RAPGEFL1: variants seen among roughly 807,000 people sequenced by gnomAD.
RAPGEFL1 encodes Rap guanine nucleotide exchange factor like 1.
In RAPGEFL1, 31 loss-of-function variants were observed where a neutral mutation model predicts 64.4. That is an observed-to-expected ratio of 0.48 (90% CI 0.36 to 0.65). The LOEUF (loss-of-function observed/expected upper bound fraction) is 0.65. Among genes scored for constraint, RAPGEFL1 ranks in the 30% least tolerant of loss-of-function variants. The pLI is 0.00. For missense variants in RAPGEFL1, 682 were observed against 677.4 expected, an observed-to-expected ratio of 1.01 and a Z score of -0.08; for synonymous variants, 331 against 274.1, an observed-to-expected ratio of 1.21 and a Z score of -2.05.
upstream of RAPGEFL1, chr17:40,177,324 T>G: frequency 1.4e-6 from 1 of 702,476 alleles, no homozygotes; most frequent in East Asian, 2.7e-5. Flanking sequence ...TTTCTTCTGC[T>G]TAGAACCCAA....
rs760262060 is a variant in RAPGEFL1, at chr17:40,191,600, C to CCTG, written c.1537_1539dup (p.Leu513dup). On this transcript the variant is annotated inframe_insertion, in exon 10 of 15. Transcript: ENST00000620260. This position sits in a 1 kb window ranked among gnomAD's most constrained non-coding sequence, Gnocchi z 5.1. ...CCCGCAGCTGCAAGCAGAACCAGGA[C>CCTG]CTGCTGTCTTTCTACGCCGTGGTCA... 1 of 1,612,440 alleles carries CCTG rather than the reference C, an allele frequency of 6.2e-7. No individual in the cohort carries two copies. The highest frequency in any genetic ancestry group is 8.5e-7 in the Non-Finnish European group (1 of 1,179,534).
chr17:40,190,837 CA>C (rs1377483199), intron 8 of RAPGEFL1, 75 bp downstream of exon 8: 14 of 1,581,122 alleles, frequency 8.9e-6, no homozygotes, highest in Non-Finnish European at 1.2e-5. Flanking sequence ...GTTCGCAGCA[CA>C]ACGTCCTGGT....
chr17:40,183,755 A>T (rs1290406859), intron 2 of RAPGEFL1, among the ~76,000 whole-genome samples: 1 of 148,548 alleles, frequency 6.7e-6, no homozygotes, highest in East Asian at 2.0e-4. Context: ...TCCTGACCTT[A>T]AGTGATCCAC....
upstream of RAPGEFL1, chr17:40,177,341 T>C (rs1047819362): frequency 2.9e-6 from 2 of 700,514 alleles, no homozygotes; most frequent in Non-Finnish European, 5.2e-6. Flanking sequence ...CCAAGTCCCT[T>C]ACTGTTTCCC....
rs983610919 is a variant in RAPGEFL1, at chr17:40,177,476, C to G, written c.-386C>G. 6 of 633,402 alleles carry G rather than the reference C, an allele frequency of 9.5e-6. No homozygotes were observed. The highest frequency in any genetic ancestry group is 7.3e-5 in the African/African-American group (4 of 54,782). 39.2% of individuals were successfully genotyped at this position (633,402 alleles called of 1,614,324 possible). A position where few individuals can be genotyped will look rare whatever the true frequency, so the allele number is the denominator to read the frequency against. On this transcript the variant is annotated 5_prime_UTR_variant, in exon 1 of 15. Coordinates refer to ENST00000620260, the MANE Select transcript of RAPGEFL1 (RefSeq NM_016339.6). ...CGCGGTCTCGGTTCTGCCACCTTCC[C>G]CCTCTTCACGGCCAGGAGCGCAGCC...
intron 1 of RAPGEFL1, among the ~76,000 whole-genome samples, chr17:40,180,291 C>G (rs749921108): frequency 6.6e-6 from 1 of 152,158 alleles, no homozygotes; most frequent in South Asian, 2.1e-4. Flanking sequence ...CCTGGTGCCA[C>G]ACGCTCCGCT....
chr17:40,192,944 A>G lies in RAPGEFL1; in HGVS notation c.1763A>G (p.Glu588Gly). 6.2e-7 allele frequency: 1 copy of G among 1,613,892 alleles called. No homozygotes were observed. The highest frequency in any genetic ancestry group is 8.5e-7 in the Non-Finnish European group (1 of 1,179,802). Residue 588 changes from glutamate (E) to glycine (G), a missense_variant, in exon 13 of 15, where the codon GAA becomes GGA. Transcript: ENST00000620260. ...LILKDLTFLH[E>G]GSKTLVDGLV... ...CCCCTAGACCTGACTTTCCTGCACG[A>G]AGGGAGTAAGACCCTTGTAGATGGT...
At chr17:40,188,557 T>C (rs941617918) in intron 4 of RAPGEFL1, 2 of 367,506 alleles carry the variant, frequency 5.4e-6, no homozygotes, top group South Asian at 2.5e-5. Context: ...CTCAATCTCA[T>C]AGAAGAGATA....
intron 6 of RAPGEFL1, among the ~76,000 whole-genome samples, chr17:40,189,794 A>T (rs1990198449): frequency 6.6e-6 from 1 of 151,790 alleles, no homozygotes; most frequent in African/African-American, 2.4e-5. Context: ...TGCCTACTAA[A>T]GTTTGGGAGG....
intron 8 of RAPGEFL1, 196 bp downstream of exon 8, chr17:40,190,958 C>T: frequency 1.3e-6 from 1 of 742,716 alleles, no homozygotes; most frequent in Admixed American, 3.0e-5. Context: ...TGGCTCAGGG[C>T]CCAAGTGCTG....
chr17:40,179,255 CAG>C (rs1000212969), intron 1 of RAPGEFL1, among the ~76,000 whole-genome samples: 7 of 152,074 alleles, frequency 4.6e-5, no homozygotes, highest in African/African-American at 9.7e-5. Flanking sequence ...TTAGTAGAGA[CAG>C]GGGTTTCACC....
chr17:40,181,914 T>G (rs1175285998), intron 2 of RAPGEFL1, among the ~76,000 whole-genome samples: 2 of 151,982 alleles, frequency 1.3e-5, no homozygotes, highest in African/African-American at 4.8e-5. Flanking sequence ...AAACACCATC[T>G]CTACTAAAAA....
Position 40,184,608 on chromosome 17 carries a change from G to T in RAPGEFL1, c.763G>T (p.Glu255Ter). 1 of 1,576,306 alleles carries T rather than the reference G, an allele frequency of 6.3e-7. No individual in the cohort carries two copies. Among genetic ancestry groups the T allele is most frequent in the Non-Finnish European group, 8.7e-7 (1 of 1,151,714 alleles). Residue 255 changes from glutamate to a stop codon, truncating the protein, a stop_gained, in exon 4 of 15, where the codon GAG (glutamate) becomes TAG (stop). Coordinates refer to ENST00000620260, the MANE Select transcript of RAPGEFL1 (RefSeq NM_016339.6). LOFTEE classifies it high-confidence loss of function. ...TCTATACCTGCTAATTATGAAGGAC[G>T]AGTCCCTTTACCAGGGCCTCCGAGA... The part of the protein sequence containing the change: ...KDLYLLIMKD[E>*]SLYQGLREDT...
chr17:40,185,185 G>T (rs941205569), intron 4 of RAPGEFL1, among the ~76,000 whole-genome samples: 1 of 152,118 alleles, frequency 6.6e-6, no homozygotes. Flanking sequence ...ATAATCCAGT[G>T]GTGTACTGGT....
chr17:40,177,539 C>T lies in RAPGEFL1; in HGVS notation c.-323C>T. 3.7e-6 allele frequency: 2 copies of T among 540,412 alleles called. No individual in the cohort carries two copies. The highest frequency in any genetic ancestry group is 6.5e-6 in the Non-Finnish European group (2 of 308,852). 33.5% of individuals were successfully genotyped at this position (540,412 alleles called of 1,614,324 possible). ...GCCGCCGCGTCCTCTCAGCCTTGCG[C>T]TCCGCCCGCTGCCTCTGCCGCCGCA... On this transcript the variant is annotated 5_prime_UTR_variant, in exon 1 of 15. Coordinates refer to ENST00000620260, the MANE Select transcript of RAPGEFL1 (RefSeq NM_016339.6).
rs1989750885 is a variant in RAPGEFL1, at chr17:40,177,631, G to T, written c.-231G>T. On this transcript the variant is annotated 5_prime_UTR_variant, in exon 1 of 15. Coordinates refer to ENST00000620260, the MANE Select transcript of RAPGEFL1 (RefSeq NM_016339.6). Reference sequence around the variant, plus strand: ...TCGGGCCGCGTGCCGGCTGCAGCCGGCATGGGGGGTTGCTGAGAGCGAGCA... The same window carrying T: ...TCGGGCCGCGTGCCGGCTGCAGCCGTCATGGGGGGTTGCTGAGAGCGAGCA... The T allele has an allele frequency of 2.5e-6, 1 of 402,588 alleles. No homozygotes were observed. The highest frequency in any genetic ancestry group is 4.3e-6 in the Non-Finnish European group (1 of 231,862). 24.9% of individuals were successfully genotyped at this position (402,588 alleles called of 1,614,324 possible).
chr17:40,189,119 T>C, intron 5 of RAPGEFL1, 89 bp from the exon 6 acceptor site: 1 of 1,504,164 alleles, frequency 6.6e-7, no homozygotes, highest in South Asian at 1.1e-5. Context: ...GGCCAGCCTC[T>C]GGTGGGGAAT....
upstream of RAPGEFL1, chr17:40,177,114 C>T (rs1233738605): frequency 5.7e-6 from 4 of 702,600 alleles, no homozygotes; most frequent in African/African-American, 1.7e-5. Flanking sequence ...ATAAACTCCA[C>T]ATATTTCTGT....
At position 40,191,557 on chromosome 17, in the gene RAPGEFL1, C is replaced by T. The variant is rs1201889681; in HGVS notation, c.1515-25C>T. The T allele has an allele frequency of 1.8e-5, 29 of 1,574,418 alleles. No homozygotes were observed. Among genetic ancestry groups the T allele is most frequent in the Non-Finnish European group, 2.4e-5 (28 of 1,161,630 alleles). ...CGGAGGCCCGCGCCGCCGCCCGCCC[C>T]TGACCCCGCCTCCCACCCCCGCAGC... On this transcript the variant is annotated intron_variant, in intron 9 of 14. Transcript: ENST00000620260. The surrounding 1 kb of genome is among the most constrained non-coding windows in gnomAD (Gnocchi z 5.1).
Sources: gnomAD v4.1 joint callset for allele counts (sites outside exome capture counted in the v4.1 genomes callset) on GRCh38, gnomAD v4.1.1 for gene constraint, Gnocchi (gnomAD v3.1) non-coding constraint, MANE v1.5 for transcripts, NCBI Gene and HGNC (gene_info 2026-07-23, HGNC 2026-07-21) for gene names.